The following IQSEC1 variants were observed in gnomAD, a reference collection of about 807,000 sequenced individuals.
The protein encoded by IQSEC1 is IQ motif and Sec7 domain ArfGEF 1, also known as IQ motif and SEC7 domain-containing protein 1.
IQSEC1 carries 31 observed loss-of-function variants against 91.0 expected under a neutral mutation model. The ratio of observed to expected loss-of-function variants is 0.34; its 90% confidence interval spans 0.26 to 0.46. The LOEUF is 0.46. Among genes scored for constraint, IQSEC1 ranks in the 20% least tolerant of loss-of-function variants. The pLI is 1.00. For synonymous variants in IQSEC1, 699 were observed against 662.6 expected, an observed-to-expected ratio of 1.05 and a Z score of -0.84; for missense variants, 1,388 against 1,575.6, an observed-to-expected ratio of 0.88 and a Z score of 2.02.
chr3:13,005,006 CTA>C (rs1468177581), intron 1 of IQSEC1, among the ~76,000 whole-genome samples: 3 of 152,214 alleles, frequency 2.0e-5, no homozygotes, highest in Non-Finnish European at 4.4e-5. Flanking sequence ...CAAACAAATA[CTA>C]TGTTTCACAC....
intron 1 of IQSEC1, among the ~76,000 whole-genome samples, chr3:12,947,327 G>A (rs1699248633): frequency 6.6e-6 from 1 of 152,186 alleles, no homozygotes; most frequent in Non-Finnish European, 1.5e-5. Flanking sequence ...ACCCGTCAGA[G>A]AGGTGGTACA....
chr3:12,996,398 G>T (rs1283495466), intron 1 of IQSEC1, among the ~76,000 whole-genome samples: 1 of 152,176 alleles, frequency 6.6e-6, no homozygotes, highest in Non-Finnish European at 1.5e-5. Flanking sequence ...TCCTTAAAAT[G>T]GAACTGAAGC....
In IQSEC1 at chr3:13,008,523, T is replaced by G. The variant is rs905892510; in HGVS notation, c.23+64469A>C. 1.3e-5 allele frequency among the ~76,000 whole-genome samples: 2 copies of G among 152,100 alleles called. No individual in the cohort carries two copies. The highest frequency in any genetic ancestry group is 2.9e-5 in the Non-Finnish European group (2 of 68,012). The stretch of plus-strand genomic sequence containing the variant: ...ACCTCCTTCTTGCTCTCAGTTCCCC[T>G]CCTCAGGGAGGCCCTCACTGACCAC... On this transcript the variant is annotated intron_variant, in intron 1 of 13. Transcript: ENST00000613206. The surrounding 1 kb of genome is among the most constrained non-coding windows in gnomAD (Gnocchi z 4.1).
rs1396032872 is a variant in IQSEC1, at chr3:12,900,554, T to G, written c.*429A>C. The G allele has an allele frequency of 1.0e-6, 1 of 992,460 alleles. No individual in the cohort carries two copies. The highest frequency in any genetic ancestry group is 1.2e-6 in the Non-Finnish European group (1 of 833,968). The allele number at this position is 992,460 out of a possible 1,614,324, so 61.5% of individuals were successfully genotyped here. On this transcript the variant is annotated 3_prime_UTR_variant, in exon 14 of 14. Transcript: ENST00000613206. ...TACTTATTTTTTTGCCCATTGTCAATAAAAGAGCAATAATGCAGCAAGTTT... is the reference window on the plus strand; with the variant it reads ...TACTTATTTTTTTGCCCATTGTCAAGAAAAGAGCAATAATGCAGCAAGTTT...
At position 13,253,999 on chromosome 3, in the gene IQSEC1, G is replaced by T. The variant is rs73136154; in HGVS notation, c.272+28712C>A. 4.0e-3 allele frequency among the ~76,000 whole-genome samples: 602 copies of T among 152,272 alleles called. 6 individuals are homozygous for T. Among genetic ancestry groups the T allele is most frequent in the African/African-American group, 0.014 (574 of 41,548 alleles). ...CCAGCTTCTGACCAACAGGTGATGC[G>T]CCACTCAGGCAGCAGCCCCTCCACA... is the stretch of plus-strand genomic sequence containing the variant. On this transcript the variant is annotated intron_variant, in intron 1 of 15. Coordinates refer to the IQSEC1 transcript ENST00000648114.
chr3:12,907,768 G>C (rs1191168606), intron 12 of IQSEC1, among the ~76,000 whole-genome samples: 1 of 152,202 alleles, frequency 6.6e-6, no homozygotes, highest in Non-Finnish European at 1.5e-5. Flanking sequence ...AACACACACA[G>C]AAACAAAGAA....
At chr3:12,920,151 G>A (rs1008990094) in intron 6 of IQSEC1, among the ~76,000 whole-genome samples, 1 of 152,208 alleles carries the variant, frequency 6.6e-6, no homozygotes, top group Non-Finnish European at 1.5e-5. Context: ...CATCCTTCAA[G>A]GACAAGCTAA....
chr3:13,090,200 G>A (rs56178592), intron 2 of IQSEC1, among the ~76,000 whole-genome samples: 49,452 of 149,476 alleles, frequency 0.33, 8,440 homozygotes, highest in Middle Eastern at 0.55. Context: ...CCTGGGTGAC[G>A]GAGCAAGACT....
At chr3:13,081,967 G>A (rs556075044) in intron 2 of IQSEC1, among the ~76,000 whole-genome samples, 4 of 152,244 alleles carry the variant, frequency 2.6e-5, no homozygotes, top group Non-Finnish European at 5.9e-5. Context: ...TGCAGGGGTC[G>A]GTAGAGTGGG....
At chr3:13,060,689 T>G (rs896950737) in intron 1 of IQSEC1, among the ~76,000 whole-genome samples, 2 of 152,140 alleles carry the variant, frequency 1.3e-5, no homozygotes, top group Non-Finnish European at 2.9e-5. Context: ...TGGGGGCCGG[T>G]ATGTCTGGCC....
At chr3:13,123,388 C>T (rs1706455533) in intron 2 of IQSEC1, among the ~76,000 whole-genome samples, 1 of 152,236 alleles carries the variant, frequency 6.6e-6, no homozygotes, top group Non-Finnish European at 1.5e-5. Flanking sequence ...CTGGCGGAGT[C>T]AGGTCTTTCC....
intron 5 of IQSEC1, 62 bp from the exon 6 acceptor site, chr3:12,920,658 A>G: frequency 6.5e-7 from 1 of 1,539,920 alleles, no homozygotes; most frequent in Non-Finnish European, 8.9e-7. Flanking sequence ...CCCCTCTCTC[A>G]CCCGCTGAGG....
intron 1 of IQSEC1, among the ~76,000 whole-genome samples, chr3:13,009,496 A>C (rs770508605): frequency 5.9e-5 from 9 of 151,442 alleles, no homozygotes; most frequent in Non-Finnish European, 1.3e-4. Context: ...TGGGCGGCCA[A>C]CTCCCTTTGA....
At chr3:13,146,577 T>G (rs998375352) in intron 2 of IQSEC1, among the ~76,000 whole-genome samples, 6 of 152,206 alleles carry the variant, frequency 3.9e-5, no homozygotes, top group African/African-American at 1.4e-4. Flanking sequence ...CAGTGGCTCA[T>G]GCCTGTCATC....
At chr3:13,022,538 G>T in intron 1 of IQSEC1, 3 of 871,094 alleles carry the variant, frequency 3.4e-6, no homozygotes, top group Non-Finnish European at 4.1e-6. Flanking sequence ...GAGCCCAGGG[G>T]CTGGCCCTGC....
Position 12,901,194 on chromosome 3 carries a change from T to C in IQSEC1, c.3134A>G (p.His1045Arg), listed in dbSNP as rs1049285547. ...CTGGATGTGCTGGGGTGGGTGGTGGTGGTGGTGATGGTGGTACGGGGGAGG... is the reference window on the plus strand; with the variant it reads ...CTGGATGTGCTGGGGTGGGTGGTGGCGGTGGTGATGGTGGTACGGGGGAGG... ...QNPPPYHHHH[H>R]HHPPQHIQHA... Residue 1045 changes from histidine to arginine, a missense_variant, in exon 14 of 14, where the codon CAC (histidine) becomes CGC (arginine). Transcript: ENST00000613206. 2.6e-6 allele frequency: 4 copies of C among 1,540,686 alleles called. No homozygotes were observed. In the Admixed American group the frequency reaches 5.9e-5, roughly 23 times the overall value.
Position 12,901,166 on chromosome 3 carries a change from G to A in IQSEC1, c.3162C>T (p.His1054=), listed in dbSNP as rs531248434. ...HHHHPPQHIQ[H]AHQYHHGPHG... is the part of the protein sequence containing the mutation. ...GGGGGCCGTGGTGGTACTGGTGTGC[G>A]TGCTGGATGTGCTGGGGTGGGTGGT... The change falls in exon 14 of 14, where the codon CAC becomes CAT. Residue 1054 remains histidine, a synonymous_variant. Transcript: ENST00000613206. 8.7e-5 allele frequency: 135 copies of A among 1,542,890 alleles called. No individual in the cohort carries two copies. The Admixed American group carries it at 1.3e-3, about 15-fold the overall frequency.
At chr3:12,987,166 G>A (rs1576118991) in intron 1 of IQSEC1, 1 of 234,618 alleles carries the variant, frequency 4.3e-6, no homozygotes, top group South Asian at 3.3e-5. Context: ...CCAGACACGT[G>A]ACACTGCAGC....
At chr3:12,945,600 C>T (rs1412514965) in intron 1 of IQSEC1, among the ~76,000 whole-genome samples, 2 of 151,890 alleles carry the variant, frequency 1.3e-5, no homozygotes, top group African/African-American at 4.8e-5. Flanking sequence ...GGCCATCCTA[C>T]TGCAACCAGT....
Sources: allele counts gnomAD v4.1 joint callset (sites outside exome capture counted in the v4.1 genomes callset), GRCh38; gene constraint gnomAD v4.1.1; non-coding constraint Gnocchi (gnomAD v3.1); transcripts MANE v1.5; gene names NCBI Gene and HGNC (gene_info 2026-07-23, HGNC 2026-07-21).